TEK: variants seen among roughly 807,000 people sequenced by gnomAD.
TEK encodes the protein angiopoietin-1 receptor.
In TEK, 43 loss-of-function variants were observed where a neutral mutation model predicts 131.8. The ratio of observed to expected loss-of-function variants is 0.33; its 90% CI spans 0.26 to 0.42. TEK has a LOEUF of 0.42. Among genes scored for constraint, TEK ranks in the 10% least tolerant of loss-of-function variants. TEK has a pLI of 1.00. For synonymous variants in TEK, 580 were observed against 491.6 expected, an observed-to-expected ratio of 1.18 and a Z score of -2.38; for missense variants, 1,162 against 1,384.4, an observed-to-expected ratio of 0.84 and a Z score of 2.55.
intron 1 of TEK, among the ~76,000 whole-genome samples, chr9:27,135,261 A>G (rs755115052): frequency 5.4e-5 from 8 of 147,734 alleles, no homozygotes; most frequent in South Asian, 4.3e-4. Context: ...TTAGTGTACT[A>G]TTTTTGAGCT....
At chr9:27,218,957 GTATTAATTCCCA>G in intron 20 of TEK, 140 bp downstream of exon 20, 1 of 865,862 alleles carries the variant, frequency 1.2e-6, no homozygotes, top group Non-Finnish European at 1.9e-6. Flanking sequence ...GAAACATAGT[GTATTAATTCCCA>G]TATTTTTCTT....
intron 1 of TEK, among the ~76,000 whole-genome samples, chr9:27,146,286 A>C (rs1257871497): frequency 2.0e-5 from 3 of 152,232 alleles, no homozygotes; most frequent in Admixed American, 2.0e-4. Context: ...TGTTAAAGTT[A>C]ATATACAGTA....
Position 27,220,123 on chromosome 9 carries a change from C to A in TEK, c.3178C>A (p.Pro1060Thr). 2 of 1,613,912 alleles carry A rather than the reference C, an allele frequency of 1.2e-6. No individual in the cohort carries two copies. The highest frequency in any genetic ancestry group is 1.7e-6 in the Non-Finnish European group (2 of 1,179,956). ...GCCCCAGGGCTACAGACTGGAGAAG[C>A]CCCTGAACTGTGATGATGAGGTGTA... Reference protein sequence around the residue: ...KLPQGYRLEKPLNCDDEVYDL... With the variant: ...KLPQGYRLEKTLNCDDEVYDL... Residue 1060 changes from proline to threonine, a missense_variant, in exon 21 of 23, where the codon CCC becomes ACC. Coordinates refer to ENST00000380036, the MANE Select transcript of TEK (RefSeq NM_000459.5).
chr9:27,170,041 A>T (rs984081686), intron 4 of TEK, among the ~76,000 whole-genome samples: 3 of 152,174 alleles, frequency 2.0e-5, no homozygotes, highest in Non-Finnish European at 4.4e-5. Context: ...GGAAATTTAC[A>T]ATCATGGCAA....
intron 1 of TEK, among the ~76,000 whole-genome samples, chr9:27,136,509 C>T (rs904230323): frequency 1.1e-4 from 17 of 152,342 alleles, no homozygotes; most frequent in African/African-American, 3.8e-4. Flanking sequence ...CCTTCTACCT[C>T]AACTAAAACT....
intron 1 of TEK, among the ~76,000 whole-genome samples, chr9:27,113,719 T>C (rs551315418): frequency 6.6e-6 from 1 of 152,246 alleles, no homozygotes; most frequent in South Asian, 2.1e-4. Context: ...TTAATATTCA[T>C]AGATGCTGTC....
chr9:27,123,100 G>T (rs1232417079), intron 1 of TEK, among the ~76,000 whole-genome samples: 1 of 146,528 alleles, frequency 6.8e-6, no homozygotes, highest in Non-Finnish European at 1.5e-5. Flanking sequence ...AGCAGGCTAG[G>T]AAGAGAGACT....
intron 1 of TEK, among the ~76,000 whole-genome samples, chr9:27,141,116 A>G (rs914017393): frequency 6.6e-6 from 1 of 152,150 alleles, no homozygotes; most frequent in African/African-American, 2.4e-5. Context: ...TTGTCTTTCT[A>G]TAGGTCACTT....
intron 1 of TEK, among the ~76,000 whole-genome samples, chr9:27,152,104 A>G (rs10511804): frequency 8.5e-5 from 13 of 152,076 alleles, no homozygotes; most frequent in African/African-American, 3.1e-4. Flanking sequence ...CTTCTGTTAC[A>G]AAGATGAAAT....
At chr9:27,183,918 A>G (rs1405965631) in intron 8 of TEK, among the ~76,000 whole-genome samples, 2 of 152,138 alleles carry the variant, frequency 1.3e-5, no homozygotes, top group East Asian at 1.9e-4. Context: ...GTACGTGTCA[A>G]TCTGTGCAAA....
At chr9:27,198,530 C>T (rs1374932345) in intron 12 of TEK, 1 of 152,188 alleles carries the variant, frequency 6.6e-6, no homozygotes, top group Non-Finnish European at 1.5e-5. Context: ...TTTAGGAATT[C>T]TTCATATATA....
rs547291608 is a variant in TEK at position 27,220,231 on chromosome 9, G to A, written c.3200+86G>A. ...CCAGCTGACTCTAGCAAAGTCAGCC[G>A]GTATACACTATACACAAACACCTAC... On this transcript the variant is annotated intron_variant, in intron 21 of 22. Transcript: ENST00000380036. 2.2e-4 allele frequency: 277 copies of A among 1,256,144 alleles called. 2 individuals carry two copies. In the South Asian group the frequency reaches 2.7e-3, roughly 12 times the overall value. 77.8% of individuals were successfully genotyped at this position (1,256,144 alleles called of 1,614,324 possible).
intron 9 of TEK, among the ~76,000 whole-genome samples, chr9:27,190,200 G>C (rs1483579330): frequency 6.6e-6 from 1 of 152,164 alleles, no homozygotes; most frequent in Non-Finnish European, 1.5e-5. Flanking sequence ...GAGGGGAAGA[G>C]GAGGCTGGAG....
chr9:27,118,488 G>C (rs1295288615), intron 1 of TEK, among the ~76,000 whole-genome samples: 1 of 152,042 alleles, frequency 6.6e-6, no homozygotes, highest in East Asian at 1.9e-4. Context: ...ACAAATATTG[G>C]CTGGGTATGG....
chr9:27,228,167 C>G (rs369868156), intron 21 of TEK, 39 bp from the exon 22 acceptor site: 3 of 1,541,526 alleles, frequency 1.9e-6, no homozygotes, highest in African/African-American at 1.4e-5. Flanking sequence ...GACTGAAGCA[C>G]AGTTATAGAA....
chr9:27,121,051 G>A (rs184466194), intron 1 of TEK, among the ~76,000 whole-genome samples: 6 of 152,354 alleles, frequency 3.9e-5, no homozygotes, highest in Non-Finnish European at 8.8e-5. Flanking sequence ...GCTGGGTGCT[G>A]TGGCTCACGC....
At chr9:27,157,186 A>G (rs1004094163) in intron 1 of TEK, among the ~76,000 whole-genome samples, 7 of 152,202 alleles carry the variant, frequency 4.6e-5, no homozygotes, top group Non-Finnish European at 1.0e-4. Context: ...ATAAAGAGAA[A>G]TGAAATAATA....
rs959508030 is a variant in TEK, at chr9:27,212,624, T to C, written c.2687-83T>C. ...TGTTTTTTAGACAAAATGGAGTTTA[T>C]AGGCAATTTCCACAGCACATCTCTT... On this transcript the variant is annotated intron_variant, in intron 16 of 22. Transcript: ENST00000380036. 5 of 1,481,582 alleles carry C rather than the reference T, an allele frequency of 3.4e-6. No individual in the cohort carries two copies. In the Admixed American group the frequency reaches 6.9e-5, roughly 21 times the overall value. 91.8% of individuals were successfully genotyped at this position (1,481,582 alleles called of 1,614,324 possible).
In TEK at chr9:27,206,735, A is replaced by C; in HGVS notation, c.2518A>C (p.Lys840Gln). 1 of 1,614,128 alleles carries C rather than the reference A, an allele frequency of 6.2e-7. No individual in the cohort carries two copies. The highest frequency in any genetic ancestry group is 8.5e-7 in the Non-Finnish European group (1 of 1,180,000). ...IGEGNFGQVLKARIKKDGLRM... is the reference protein window; with the variant it reads ...IGEGNFGQVLQARIKKDGLRM... ...GGAGGGCAATTTTGGCCAAGTTCTTAAGGCGCGCATCAAGAAGGATGGGTT... is the reference window on the plus strand; with the variant it reads ...GGAGGGCAATTTTGGCCAAGTTCTTCAGGCGCGCATCAAGAAGGATGGGTT... Residue 840 changes from lysine to glutamine, a missense_variant, in exon 15 of 23, where the codon AAG (lysine) becomes CAG (glutamine). Lys to Gln is a moderately conservative substitution (Grantham distance 53). Coordinates refer to ENST00000380036, the MANE Select transcript of TEK (RefSeq NM_000459.5).
Sources: allele counts gnomAD v4.1 joint callset (sites outside exome capture counted in the v4.1 genomes callset), GRCh38; gene constraint gnomAD v4.1.1; transcripts MANE v1.5; gene names NCBI Gene and HGNC (gene_info 2026-07-23, HGNC 2026-07-21).